RPH3A: variants seen among roughly 807,000 people sequenced by gnomAD.
The protein encoded by RPH3A is rabphilin 3A.
Under a neutral mutation model 102.2 loss-of-function variants are expected in RPH3A, and 48 were observed. That is an observed-to-expected ratio of 0.47 (90% CI 0.37 to 0.60). The LOEUF (loss-of-function observed/expected upper bound fraction) is 0.60. Among genes scored for constraint, RPH3A ranks in the 20% least tolerant of loss-of-function variants. The pLI, the probability that RPH3A is intolerant of heterozygous loss-of-function variation, is 0.00. For missense variants in RPH3A, 781 were observed against 910.1 expected, an observed-to-expected ratio of 0.86 and a Z score of 1.83; for synonymous variants, 310 against 324.3, an observed-to-expected ratio of 0.96 and a Z score of 0.47.
At chr12:112,673,204 T>C (rs913287710) in intron 1 of RPH3A, among the ~76,000 whole-genome samples, 2 of 152,170 alleles carry the variant, frequency 1.3e-5, no homozygotes, top group African/African-American at 4.8e-5. Context: ...AAAGAATTAT[T>C]ATCACCAAAC....
intron 1 of RPH3A, among the ~76,000 whole-genome samples, chr12:112,694,259 T>C (rs1355505193): frequency 6.6e-6 from 1 of 152,122 alleles, no homozygotes; most frequent in Non-Finnish European, 1.5e-5. Flanking sequence ...TGGAATTTGG[T>C]GGGAGGATGC....
Position 112,584,653 on chromosome 12 carries a change from C to T in RPH3A, c.-140+9334C>T, listed in dbSNP as rs376962272. The stretch of plus-strand genomic sequence containing the variant: ...GCACACCCTTGATGGTCTCACAGTG[C>T]GGCAAGAGCTCCTGCAGTTGTTATT... On this transcript the variant is annotated intron_variant, in intron 1 of 21. Transcript: ENST00000543106. Among the ~76,000 whole-genome samples the T allele has an allele frequency of 2.4e-4, 37 of 152,252 alleles. No individual in the cohort carries two copies. The East Asian group carries it at 6.2e-3, about 25-fold the overall frequency.
chr12:112,804,767 A>G (rs943246223), intron 2 of RPH3A, among the ~76,000 whole-genome samples: 4 of 152,238 alleles, frequency 2.6e-5, no homozygotes, highest in Non-Finnish European at 5.9e-5. Context: ...GGGTTCTTGT[A>G]AAGATCAAAT....
chr12:112,841,463 G>A (rs182206873), intron 4 of RPH3A, among the ~76,000 whole-genome samples: 152 of 152,214 alleles, frequency 1.0e-3, no homozygotes, highest in South Asian at 1.5e-3. Flanking sequence ...GTGGCCTTAG[G>A]CAAGTGATTA....
intron 2 of RPH3A, among the ~76,000 whole-genome samples, chr12:112,793,495 G>A (rs1467554153): frequency 1.3e-5 from 2 of 152,232 alleles, no homozygotes; most frequent in African/African-American, 4.8e-5. Flanking sequence ...GCTAAGAAGA[G>A]ATGCTGAAAT....
At chr12:112,786,021 C>T (rs753692913) in intron 1 of RPH3A, among the ~76,000 whole-genome samples, 1 of 151,560 alleles carries the variant, frequency 6.6e-6, no homozygotes, top group East Asian at 2.0e-4. Flanking sequence ...AGGAGATGAG[C>T]GGGGAAGGTA....
At chr12:112,686,413 A>G (rs910883290) in intron 1 of RPH3A, among the ~76,000 whole-genome samples, 2 of 152,190 alleles carry the variant, frequency 1.3e-5, no homozygotes, top group African/African-American at 4.8e-5. Flanking sequence ...AGTCAGGGTC[A>G]TCCATGTGGC....
At chr12:112,640,615 C>T (rs1223398112) in intron 1 of RPH3A, among the ~76,000 whole-genome samples, 4 of 152,102 alleles carry the variant, frequency 2.6e-5, no homozygotes, top group Non-Finnish European at 5.9e-5. Flanking sequence ...GCAATAGATG[C>T]TTAGTTCACA....
intron 1 of RPH3A, among the ~76,000 whole-genome samples, chr12:112,782,116 A>G (rs1482498125): frequency 6.6e-6 from 1 of 152,146 alleles, no homozygotes; most frequent in Non-Finnish European, 1.5e-5. Context: ...GTGGACAGAT[A>G]CTCTGTTCCT....
Position 112,781,482 on chromosome 12 carries a change from C to T in RPH3A, c.-139-10661C>T, listed in dbSNP as rs146984897. 4.4e-3 allele frequency among the ~76,000 whole-genome samples: 666 copies of T among 152,180 alleles called. 4 individuals carry two copies. The highest frequency in any genetic ancestry group is 0.015 in the African/African-American group (626 of 41,536). On this transcript the variant is annotated intron_variant, in intron 1 of 21. Transcript: ENST00000543106. ...ATCACTTCCCATTTTTTTGCCCAAG[C>T]CTCCTCTTCTGTGTGGTTCGGGACC...
chr12:112,688,894 G>A (rs1363509716), intron 1 of RPH3A, among the ~76,000 whole-genome samples: 1 of 152,210 alleles, frequency 6.6e-6, no homozygotes, highest in Non-Finnish European at 1.5e-5. Flanking sequence ...TATAAGTGGA[G>A]GAGCTGAGTC....
chr12:112,690,095 G>A (rs1356477292), intron 1 of RPH3A, among the ~76,000 whole-genome samples: 2 of 152,272 alleles, frequency 1.3e-5, no homozygotes, highest in Non-Finnish European at 2.9e-5. Flanking sequence ...TGTTATAAAC[G>A]ATCATCCTTC....
rs567226355 is a variant in RPH3A at position 112,853,615 on chromosome 12, G to C, written c.230+5773G>C. On this transcript the variant is annotated intron_variant, in intron 5 of 21. Coordinates refer to ENST00000389385, the MANE Select transcript of RPH3A (RefSeq NM_001143854.2). ...AGGCCGAGGCGGGTGGATCACTTGAGGCAAGGAGTTTGAGACCAGCCTGGC... is the reference window on the plus strand; with the variant it reads ...AGGCCGAGGCGGGTGGATCACTTGACGCAAGGAGTTTGAGACCAGCCTGGC... Among the ~76,000 whole-genome samples the C allele has an allele frequency of 4.6e-5, 7 of 152,278 alleles. No individual in the cohort carries two copies. The South Asian group carries it at 1.0e-3, about 23-fold the overall frequency.
At chr12:112,743,831 G>A (rs1226741675) in intron 1 of RPH3A, among the ~76,000 whole-genome samples, 1 of 152,142 alleles carries the variant, frequency 6.6e-6, no homozygotes, top group East Asian at 1.9e-4. Context: ...GAAAATACAG[G>A]TTTGGGGACT....
At chr12:112,787,972 A>G (rs2041062661), upstream of RPH3A, among the ~76,000 whole-genome samples, 1 of 152,204 alleles carries the variant, frequency 6.6e-6, no homozygotes, top group Non-Finnish European at 1.5e-5. Context: ...TCTATCATTG[A>G]ATGAAGCCTC....
intron 2 of RPH3A, among the ~76,000 whole-genome samples, chr12:112,797,584 A>G (rs1280223333): frequency 6.6e-6 from 1 of 152,142 alleles, no homozygotes; most frequent in Non-Finnish European, 1.5e-5. Flanking sequence ...GCAGGACCCC[A>G]GGACTCAGTT....
intron 10 of RPH3A, 89 bp from the exon 11 acceptor site, chr12:112,874,995 C>T (rs569041609): frequency 6.6e-5 from 74 of 1,126,972 alleles, no homozygotes; most frequent in Non-Finnish European, 8.8e-5. Context: ...AAGGGGCTCA[C>T]CCCACACCAG....
At chr12:112,822,415 C>G (rs576551620) in intron 2 of RPH3A, among the ~76,000 whole-genome samples, 92 of 152,336 alleles carry the variant, frequency 6.0e-4, no homozygotes, top group Admixed American at 2.0e-3. Flanking sequence ...AACTCAGAAA[C>G]TAAATAGGCT....
chr12:112,898,683 C>T lies in RPH3A; in HGVS notation c.*1903C>T, dbSNP rs2043226818. On this transcript the variant is annotated 3_prime_UTR_variant, in exon 22 of 22. Coordinates refer to ENST00000389385, the MANE Select transcript of RPH3A (RefSeq NM_001143854.2). ...GAGACAGCATGCTGGCTGTGTCGCC[C>T]AAGCCTGATGCTGGTGTAGGCGCTG... is the stretch of plus-strand genomic sequence containing the variant. 1 of 152,276 alleles carries T rather than the reference C, an allele frequency of 6.6e-6. No homozygotes were observed. Among genetic ancestry groups the T allele is most frequent in the Non-Finnish European group, 1.5e-5 (1 of 68,070 alleles). 9.4% of individuals were successfully genotyped at this position (152,276 alleles called of 1,614,324 possible).
Sources: allele counts gnomAD v4.1 joint callset (sites outside exome capture counted in the v4.1 genomes callset), GRCh38; gene constraint gnomAD v4.1.1; transcripts MANE v1.5; gene names NCBI Gene and HGNC (gene_info 2026-07-23, HGNC 2026-07-21).